Variants in PBX1 observed in about 807,000 individuals in gnomAD.
PBX1 encodes PBX homeobox 1.
In PBX1, 6 loss-of-function variants were observed where a neutral mutation model predicts 53.4. The ratio of observed to expected loss-of-function variants is 0.11; its 90% CI spans 0.06 to 0.22. PBX1 has a LOEUF of 0.22. Among genes scored for constraint, PBX1 ranks in the 10% least tolerant of loss-of-function variants. The pLI, the probability that PBX1 is intolerant of heterozygous loss-of-function variation, is 1.00. For missense variants in PBX1, 251 were observed against 551.4 expected, an observed-to-expected ratio of 0.46 and a Z score of 5.46; for synonymous variants, 204 against 212.3, an observed-to-expected ratio of 0.96 and a Z score of 0.34.
intron 2 of PBX1, among the ~76,000 whole-genome samples, chr1:164,786,572 A>T (rs559513705): frequency 6.6e-6 from 1 of 152,306 alleles, no homozygotes; most frequent in South Asian, 2.1e-4. Flanking sequence ...AGATTTAGAG[A>T]AATTAAAAGA....
At chr1:164,766,672 T>C (rs549786328) in intron 2 of PBX1, among the ~76,000 whole-genome samples, 2 of 152,126 alleles carry the variant, frequency 1.3e-5, no homozygotes, top group South Asian at 2.1e-4. Flanking sequence ...TGGCTTCCAG[T>C]TTACAAATGG....
chr1:164,647,900 C>T (rs1199911269), intron 2 of PBX1, among the ~76,000 whole-genome samples: 1 of 151,636 alleles, frequency 6.6e-6, no homozygotes, highest in Admixed American at 6.6e-5. Context: ...CTGCAAACTC[C>T]GCCTCCCGGG....
intron 2 of PBX1, among the ~76,000 whole-genome samples, chr1:164,575,094 A>G (rs1654127937): frequency 6.6e-6 from 1 of 152,202 alleles, no homozygotes; most frequent in Middle Eastern, 3.2e-3. Flanking sequence ...TTTTCATGCT[A>G]TGTATTTGCA....
At chr1:164,617,506 A>G (rs1657358433) in intron 2 of PBX1, among the ~76,000 whole-genome samples, 1 of 152,216 alleles carries the variant, frequency 6.6e-6, no homozygotes, top group Admixed American at 6.5e-5. Context: ...TAGTGTTTGT[A>G]TGTGAGGAAG....
chr1:164,636,026 A>G (rs560141405), intron 2 of PBX1, among the ~76,000 whole-genome samples: 12 of 152,212 alleles, frequency 7.9e-5, no homozygotes, highest in East Asian at 7.7e-4. Context: ...TCAGCCAACA[A>G]TGGGCGTTGC....
At chr1:164,868,224 AT>A (rs1199876499) in intron 2 of PBX1, among the ~76,000 whole-genome samples, 1 of 151,934 alleles carries the variant, frequency 6.6e-6, no homozygotes, top group Non-Finnish European at 1.5e-5. Flanking sequence ...GAGGGGGGCC[AT>A]TTTTTTTAAA....
rs1656982176 is a variant in PBX1 at position 164,612,217 on chromosome 1, C to G, written c.265+48906C>G. Among the ~76,000 whole-genome samples the G allele has an allele frequency of 2.0e-5, 3 of 152,124 alleles. No homozygotes were observed. In the South Asian group the frequency reaches 6.2e-4, roughly 32 times the overall value. On this transcript the variant is annotated intron_variant, in intron 2 of 8. Coordinates refer to ENST00000420696, the MANE Select transcript of PBX1 (RefSeq NM_002585.4). ...GCTTGGACCTTCCACCTCTGGGCGC[C>G]TCAGCCAACCTATCATTGTTGAGAA...
chr1:164,619,712 A>G (rs1036885914), intron 2 of PBX1, among the ~76,000 whole-genome samples: 2 of 152,040 alleles, frequency 1.3e-5, no homozygotes, highest in Non-Finnish European at 2.9e-5. Flanking sequence ...ATGGAATTTC[A>G]GGAAGCTGAG....
chr1:164,733,452 A>T (rs1665106243), intron 2 of PBX1, among the ~76,000 whole-genome samples: 1 of 152,124 alleles, frequency 6.6e-6, no homozygotes, highest in Non-Finnish European at 1.5e-5. Flanking sequence ...AGGAGGATTT[A>T]TCTGCTGGGT....
chr1:164,777,920 T>G (rs1429752493), intron 2 of PBX1, among the ~76,000 whole-genome samples: 4 of 152,334 alleles, frequency 2.6e-5, no homozygotes, highest in Admixed American at 1.3e-4. Context: ...AACCTTCTGG[T>G]TTTTTGCAGG....
At chr1:164,627,398 A>G (rs934826197) in intron 2 of PBX1, among the ~76,000 whole-genome samples, 4 of 152,124 alleles carry the variant, frequency 2.6e-5, no homozygotes, top group South Asian at 2.1e-4. Context: ...GTGGCCGGCA[A>G]TTGCTTGGCC....
chr1:164,618,010 T>C (rs1657396797), intron 2 of PBX1, among the ~76,000 whole-genome samples: 1 of 152,172 alleles, frequency 6.6e-6, no homozygotes, highest in Non-Finnish European at 1.5e-5. Context: ...CCATTTTTCT[T>C]TCCAGCGGCC....
intron 2 of PBX1, among the ~76,000 whole-genome samples, chr1:164,626,828 G>A (rs1571097925): frequency 6.6e-6 from 1 of 152,130 alleles, no homozygotes; most frequent in African/African-American, 2.4e-5. Flanking sequence ...CATCATGCCT[G>A]CAGGTTCCCC....
chr1:164,675,121 A>G (rs1661359475), intron 2 of PBX1, among the ~76,000 whole-genome samples: 1 of 152,184 alleles, frequency 6.6e-6, no homozygotes, highest in Non-Finnish European at 1.5e-5. Context: ...CAGAACCAGG[A>G]CAATAATTGA....
intron 2 of PBX1, among the ~76,000 whole-genome samples, chr1:164,783,730 T>G (rs1558005644): frequency 6.6e-6 from 1 of 152,148 alleles, no homozygotes; most frequent in East Asian, 1.9e-4. Context: ...TAGTGTACGT[T>G]TTTTTTTGTG....
At chr1:164,583,271 C>T (rs1292760209) in intron 2 of PBX1, among the ~76,000 whole-genome samples, 6 of 147,280 alleles carry the variant, frequency 4.1e-5, no homozygotes, top group Admixed American at 3.5e-4. Flanking sequence ...ATCTTTAAGC[C>T]AAGAGAGGCG....
rs1032513241 is a variant in PBX1 at position 164,792,555 on chromosome 1, C to T, written c.327C>T (p.Asp109=). ...CAGACCCCCAGCTGATGCGGCTGGA[C>T]AACATGCTGTTAGCGGAAGGCGTGG... ...EPTDPQLMRL[D]NMLLAEGVAG... is the part of the protein sequence containing the mutation. The change falls in exon 3 of 9, where the codon GAC becomes GAT. Residue 109 remains aspartate (D), a synonymous_variant. Transcript: ENST00000420696. The T allele has an allele frequency of 1.2e-6, 2 of 1,614,090 alleles. No homozygotes were observed. Among genetic ancestry groups the T allele is most frequent in the Non-Finnish European group, 1.7e-6 (2 of 1,180,012 alleles).
chr1:164,744,775 G>T (rs149698528), intron 2 of PBX1, among the ~76,000 whole-genome samples: 3 of 152,144 alleles, frequency 2.0e-5, no homozygotes, highest in Admixed American at 2.0e-4. Context: ...CAGATAGGTA[G>T]GTAATCTGAG....
chr1:164,710,057 G>GTTTTGAGAATTAAATGAGCTCA (rs2102070385), intron 2 of PBX1, among the ~76,000 whole-genome samples: 1 of 152,268 alleles, frequency 6.6e-6, no homozygotes, highest in African/African-American at 2.4e-5. Context: ...TCATAGACTT[G>GTTTTGAGAATTAAATGAGCTCA]TTTTGAGAAT....
Sources: allele counts gnomAD v4.1 joint callset (sites outside exome capture counted in the v4.1 genomes callset), GRCh38; gene constraint gnomAD v4.1.1; transcripts MANE v1.5; gene names NCBI Gene and HGNC (gene_info 2026-07-23, HGNC 2026-07-21).